The following KIF5C variants were observed in gnomAD, a reference collection of about 807,000 sequenced individuals.
KIF5C encodes the protein kinesin heavy chain isoform 5C.
KIF5C carries 18 observed loss-of-function variants against 125.2 expected under a neutral mutation model. That is an observed-to-expected ratio of 0.14 (90% confidence interval 0.10 to 0.21). The LOEUF is 0.21. Ranked by LOEUF, KIF5C falls within the 10% of genes least tolerant of loss-of-function variation. The pLI is 1.00. For synonymous variants in KIF5C, 405 were observed against 434.0 expected (o/e 0.93, Z 0.83); for missense variants, 780 against 1,183.8 (o/e 0.66, Z 5.01).
At chr2:148,985,946 C>T (rs1681370802) in intron 15 of KIF5C, among the ~76,000 whole-genome samples, 1 of 152,162 alleles carries the variant, frequency 6.6e-6, no homozygotes, top group Non-Finnish European at 1.5e-5. Flanking sequence ...TTCTCAGATA[C>T]TATAGAGTTA....
chr2:148,984,780 ATTTG>A (rs1425842455), intron 15 of KIF5C, among the ~76,000 whole-genome samples: 4 of 151,848 alleles, frequency 2.6e-5, no homozygotes, highest in African/African-American at 9.7e-5. Flanking sequence ...GCTCTTGGTT[ATTTG>A]TTTATTTATT....
chr2:148,961,884 T>C, intron 10 of KIF5C, 87 bp from the exon 11 acceptor site: 1 of 1,508,576 alleles, frequency 6.6e-7, no homozygotes, highest in Non-Finnish European at 8.9e-7. Flanking sequence ...TTCCAGTCTT[T>C]TGACATGAGG....
chr2:148,950,806 C>CA (rs562335483), intron 10 of KIF5C, among the ~76,000 whole-genome samples: 1,880 of 110,436 alleles, frequency 0.017, 29 homozygotes, highest in Middle Eastern at 0.058. Flanking sequence ...GAGACTGTCT[C>CA]AAAAAAAAAA....
chr2:148,888,598 T>G (rs1681621190), intron 1 of KIF5C: 1 of 151,990 alleles, frequency 6.6e-6, no homozygotes, highest in Non-Finnish European at 1.5e-5. Context: ...AAATCTCTCT[T>G]CCCAACCCCC....
intron 11 of KIF5C, among the ~76,000 whole-genome samples, chr2:148,969,983 G>A (rs779960878): frequency 2.0e-5 from 3 of 152,140 alleles, no homozygotes; most frequent in Admixed American, 6.5e-5. Context: ...TAGTTCCTGC[G>A]TGTTGCGGCT....
chr2:148,896,292 A>G (rs574887972), intron 1 of KIF5C, among the ~76,000 whole-genome samples: 108 of 152,270 alleles, frequency 7.1e-4, no homozygotes, highest in Non-Finnish European at 1.2e-3. Flanking sequence ...AACAACACAT[A>G]CGTGAGCTAA....
chr2:148,912,637 TG>T (rs970847613), intron 1 of KIF5C, among the ~76,000 whole-genome samples: 9 of 152,208 alleles, frequency 5.9e-5, no homozygotes, highest in African/African-American at 2.2e-4. Flanking sequence ...TTTATAGAGT[TG>T]GGGTCTTTCT....
intron 14 of KIF5C, among the ~76,000 whole-genome samples, chr2:148,981,965 G>A (rs1369332931): frequency 6.6e-6 from 1 of 152,194 alleles, no homozygotes; most frequent in Non-Finnish European, 1.5e-5. Context: ...TGCTTGCATG[G>A]TGTGAGGATT....
intron 18 of KIF5C, 156 bp downstream of exon 18, chr2:148,997,496 T>C (rs1681711205): frequency 7.4e-7 from 1 of 1,356,382 alleles, no homozygotes; most frequent in South Asian, 1.4e-5. Flanking sequence ...TCTCAGAGTA[T>C]AGCCTGGCTT....
intron 1 of KIF5C, among the ~76,000 whole-genome samples, chr2:148,897,918 CAAAAAAAAAAAAAAAAAAAAAA>C (rs55762538): frequency 4.4e-4 from 9 of 20,450 alleles, no homozygotes; most frequent in African/African-American, 6.9e-4. Flanking sequence ...GACTCAGTCT[CAAAAAAAAAAAAAAAAAAAAAA>C]AAAAAAAAAA....
rs11319928 is a variant in KIF5C, at chr2:148,884,971, G to GT, written c.126+9245dup. On this transcript the variant is annotated intron_variant, in intron 1 of 25. Transcript: ENST00000435030. Reference sequence around the variant, plus strand: ...CCCTCACAATGGCCATGTCCTAATTGTTTTTTTTTTTTTTTTTGAGACGGA... The same window carrying GT: ...CCCTCACAATGGCCATGTCCTAATTGTTTTTTTTTTTTTTTTTTGAGACGGA... Among the ~76,000 whole-genome samples, 749 of 104,250 alleles carry GT rather than the reference G, an allele frequency of 7.2e-3. 6 individuals carry two copies. Among genetic ancestry groups the GT allele is most frequent in the African/African-American group, 0.025 (717 of 28,964 alleles). 68.4% of individuals were successfully genotyped at this position (104,250 alleles called of 152,430 possible).
chr2:149,018,631 C>T (rs532286507), intron 25 of KIF5C, among the ~76,000 whole-genome samples: 71 of 152,254 alleles, frequency 4.7e-4, no homozygotes, highest in African/African-American at 1.7e-3. Context: ...GCGTTTGAAA[C>T]CAGCCTTAGC....
chr2:148,936,322 C>T (rs1193709120), intron 3 of KIF5C, among the ~76,000 whole-genome samples: 1 of 152,154 alleles, frequency 6.6e-6, no homozygotes, highest in South Asian at 2.1e-4. Flanking sequence ...TGGAAAATCT[C>T]TGGATGTGTT....
chr2:148,877,479 T>C (rs984381213), intron 1 of KIF5C: 2 of 152,242 alleles, frequency 1.3e-5, no homozygotes, highest in Admixed American at 1.3e-4. Flanking sequence ...ACATAGGCAG[T>C]ACCTGGGGCA....
In KIF5C at chr2:148,875,575, G is replaced by GCCCCCCCCCCCCCCCCCCGGCCC; in HGVS notation, c.-37_-36insCCCCCCCCCCCCGGCCCCCCCCC. ...TCCTCCCTCGTCGTTCCCGGCCCCG[G>GCCCCCCCCCCCCCCCCCCGGCCC]CCCCCCACCCATCCCCGTGCCCCCT... On this transcript the variant is annotated 5_prime_UTR_variant, in exon 1 of 26. Transcript: ENST00000435030. 8.6e-6 allele frequency: 6 copies of GCCCCCCCCCCCCCCCCCCGGCCC among 699,598 alleles called. No individual in the cohort carries two copies. The highest frequency in any genetic ancestry group is 1.6e-5 in the South Asian group (1 of 64,500). 43.3% of individuals were successfully genotyped at this position (699,598 alleles called of 1,614,324 possible).
At chr2:148,935,124 G>T in intron 3 of KIF5C, 1 of 369,084 alleles carries the variant, frequency 2.7e-6, no homozygotes, top group Non-Finnish European at 5.4e-6. Flanking sequence ...TTCTCACATT[G>T]ATTTTAGGGT....
intron 3 of KIF5C, among the ~76,000 whole-genome samples, chr2:148,930,435 T>C (rs571119075): frequency 6.6e-6 from 1 of 152,090 alleles, no homozygotes; most frequent in East Asian, 1.9e-4. Context: ...GTAAGCGTGG[T>C]TATTATAAGA....
At position 148,875,588 on chromosome 2, in the gene KIF5C, C is replaced by T. The variant is rs1422663579; in HGVS notation, c.-30C>T. ...TTCCCGGCCCCGGCCCCCCACCCAT[C>T]CCCGTGCCCCCTCCCTACCGCCGGC... On this transcript the variant is annotated 5_prime_UTR_variant, in exon 1 of 26. Transcript: ENST00000435030. 3 of 1,052,168 alleles carry T rather than the reference C, an allele frequency of 2.9e-6. No homozygotes were observed. Among genetic ancestry groups the T allele is most frequent in the Admixed American group, 4.2e-5 (2 of 47,386 alleles). 65.2% of individuals were successfully genotyped at this position (1,052,168 alleles called of 1,614,324 possible).
chr2:148,937,425 G>C, intron 4 of KIF5C, 37 bp downstream of exon 4: 1 of 1,547,274 alleles, frequency 6.5e-7, no homozygotes, highest in Non-Finnish European at 8.7e-7. Context: ...GAAGACACTG[G>C]GCCCCAGATA....
Sources: gnomAD v4.1 joint callset for allele counts (sites outside exome capture counted in the v4.1 genomes callset) on GRCh38, gnomAD v4.1.1 for gene constraint, MANE v1.5 for transcripts, NCBI Gene and HGNC (gene_info 2026-07-23, HGNC 2026-07-21) for gene names.